NOSTRIN: variants seen among roughly 807,000 people sequenced by gnomAD.
The protein encoded by NOSTRIN is nitric oxide synthase trafficking.
Under a neutral mutation model 59.0 loss-of-function variants are expected in NOSTRIN, and 63 were observed. The ratio of observed to expected loss-of-function variants is 1.07; its 90% CI spans 0.87 to 1.32. The LOEUF (loss-of-function observed/expected upper bound fraction) is 1.32. NOSTRIN is among the 40% of genes most tolerant of loss of function. NOSTRIN has a pLI of 0.00. For missense variants in NOSTRIN, 512 were observed against 473.1 expected, an observed-to-expected ratio of 1.08 and a Z score of -0.76; for synonymous variants, 200 against 165.4, an observed-to-expected ratio of 1.21 and a Z score of -1.61.
chr2:168,837,430 C>T (rs1420150828), intron 7 of NOSTRIN, among the ~76,000 whole-genome samples: 11 of 150,910 alleles, frequency 7.3e-5, no homozygotes, highest in Admixed American at 2.0e-4. Context: ...CTGCCTCAGC[C>T]TCCCGAGTAG....
At chr2:168,814,711 G>T (rs1490365597) in intron 2 of NOSTRIN, among the ~76,000 whole-genome samples, 1 of 152,198 alleles carries the variant, frequency 6.6e-6, no homozygotes, top group Non-Finnish European at 1.5e-5. Context: ...AGGACATGGG[G>T]TTTTGAATGA....
At position 168,828,167 on chromosome 2, in the gene NOSTRIN, C is replaced by T; in HGVS notation, c.207C>T (p.Ser69=). 1.1e-6 allele frequency: 1 copy of T among 872,872 alleles called. No homozygotes were observed. The highest frequency in any genetic ancestry group is 1.7e-5 in the Admixed American group (1 of 59,186). 54.1% of individuals were successfully genotyped at this position (872,872 alleles called of 1,614,324 possible). A position where few individuals can be genotyped will look rare whatever the true frequency, so the allele number is the denominator to read the frequency against. Residue 69 remains serine, a synonymous_variant, in exon 4 of 16, where the codon AGC becomes AGT. Transcript: ENST00000317647. ...ALQNTRKSCV[S]SAWAWASEGM... The stretch of plus-strand genomic sequence containing the variant: ...TTTTTTTTGCCTTTAGTTGTGTTAG[C>T]AGTGCCTGGGCCTGGGCCTCAGAGG...
chr2:168,846,384 T>G (rs1688426164), intron 8 of NOSTRIN, among the ~76,000 whole-genome samples: 2 of 152,342 alleles, frequency 1.3e-5, no homozygotes, highest in South Asian at 4.1e-4. Context: ...CTACGAAGTG[T>G]TCTCTTATTC....
rs115927756 is a variant in NOSTRIN, at chr2:168,823,869, G to A, written c.114-765G>A. Among the ~76,000 whole-genome samples, 561 of 152,290 alleles carry A rather than the reference G, an allele frequency of 3.7e-3. 3 individuals are homozygous for A. The highest frequency in any genetic ancestry group is 0.013 in the African/African-American group (533 of 41,550). On this transcript the variant is annotated intron_variant, in intron 2 of 15. Transcript: ENST00000317647. ...AGACGGGTGGGTCACCTGAGGTCAG[G>A]CGTTTGAGACCAGCTGAACAGCATG... is the stretch of plus-strand genomic sequence containing the variant.
chr2:168,863,826 A>G (rs1199040068), intron 15 of NOSTRIN, among the ~76,000 whole-genome samples: 1 of 152,244 alleles, frequency 6.6e-6, no homozygotes, highest in Non-Finnish European at 1.5e-5. Flanking sequence ...ACGGACACCA[A>G]GAAAGAGTTT....
chr2:168,789,272 A>G (rs960767429), intron 2 of NOSTRIN, among the ~76,000 whole-genome samples: 7 of 152,238 alleles, frequency 4.6e-5, no homozygotes, highest in African/African-American at 1.4e-4. Context: ...TCACGCTGCT[A>G]ATGAAGACAT....
intron 12 of NOSTRIN, chr2:168,859,268 A>G (rs1689296756): frequency 2.5e-6 from 1 of 398,510 alleles, no homozygotes; most frequent in Admixed American, 4.3e-5. Context: ...ATATATTACC[A>G]AGGTTTCCTG....
At chr2:168,861,007 G>C (rs756051303) in intron 14 of NOSTRIN, 98 bp downstream of exon 14, 2 of 726,168 alleles carry the variant, frequency 2.8e-6, no homozygotes, top group African/African-American at 3.6e-5. Flanking sequence ...ACCTGTATCT[G>C]TTTAAGGAAA....
intron 2 of NOSTRIN, among the ~76,000 whole-genome samples, chr2:168,792,412 T>C (rs918037286): frequency 1.3e-5 from 2 of 152,090 alleles, no homozygotes; most frequent in African/African-American, 4.8e-5. Flanking sequence ...AATAGTTTTA[T>C]TTTTTAGTGT....
chr2:168,852,446 C>G (rs1422493692), intron 10 of NOSTRIN, among the ~76,000 whole-genome samples: 1 of 152,156 alleles, frequency 6.6e-6, no homozygotes, highest in Non-Finnish European at 1.5e-5. Flanking sequence ...GGCCTCTGCT[C>G]CCCTCTTGAT....
At position 168,845,790 on chromosome 2, in the gene NOSTRIN, C is replaced by CTTCTTTTTTTTTTTT. The variant is rs36186706; in HGVS notation, c.630+2675_630+2676insCTTTTTTTTTTTTTT. On this transcript the variant is annotated intron_variant, in intron 8 of 15. Transcript: ENST00000317647. ...AGACCTAGTTTTAGTTTTTTTCTTC[C>CTTCTTTTTTTTTTTT]TTTTTTTTTTTTTTTTTGTTAGAAT... Among the ~76,000 whole-genome samples, 3 of 140,630 alleles carry CTTCTTTTTTTTTTTT rather than the reference C, an allele frequency of 2.1e-5. 1 individual carries two copies. The highest frequency in any genetic ancestry group is 4.6e-5 in the Non-Finnish European group (3 of 65,404). 92.3% of individuals were successfully genotyped at this position (140,630 alleles called of 152,430 possible).
chr2:168,794,843 C>A (rs537362375), upstream of NOSTRIN, among the ~76,000 whole-genome samples: 1 of 152,314 alleles, frequency 6.6e-6, no homozygotes, highest in Non-Finnish European at 1.5e-5. Context: ...GATCCTCCTG[C>A]CTCAGCCTCC....
chr2:168,800,909 T>TA (rs1472847040), upstream of NOSTRIN, among the ~76,000 whole-genome samples: 130 of 59,498 alleles, frequency 2.2e-3, no homozygotes, highest in Middle Eastern at 0.01. Flanking sequence ...TAAATTTCTT[T>TA]TAAAAAAAAA....
chr2:168,861,034 G>T (rs1237824566), intron 14 of NOSTRIN, 125 bp downstream of exon 14: 2 of 618,292 alleles, frequency 3.2e-6, no homozygotes, highest in Non-Finnish European at 5.8e-6. Flanking sequence ...TTTCCATTGG[G>T]ACCGATTAAT....
chr2:168,810,590 T>G (rs138079462), intron 1 of NOSTRIN, among the ~76,000 whole-genome samples: 1 of 152,322 alleles, frequency 6.6e-6, no homozygotes, highest in East Asian at 1.9e-4. Context: ...GGTGCCCAAC[T>G]GAATGCTGGC....
chr2:168,818,198 G>C, intron 2 of NOSTRIN: 1 of 399,682 alleles, frequency 2.5e-6, no homozygotes, highest in South Asian at 1.9e-5. Flanking sequence ...CTGCTGCTCA[G>C]GCTGGAGTGC....
At chr2:168,790,372 C>T (rs1158111919) in intron 2 of NOSTRIN, among the ~76,000 whole-genome samples, 1 of 152,176 alleles carries the variant, frequency 6.6e-6, no homozygotes, top group East Asian at 1.9e-4. Context: ...TATTTACTAA[C>T]TTCAAAGGTT....
chr2:168,806,257 A>C (rs934237526), intron 1 of NOSTRIN, among the ~76,000 whole-genome samples: 1 of 152,112 alleles, frequency 6.6e-6, no homozygotes, highest in Non-Finnish European at 1.5e-5. Flanking sequence ...CACTGTGAGG[A>C]TCATCACTAA....
intron 2 of NOSTRIN, 33 bp downstream of exon 2, chr2:168,811,685 T>C: frequency 1.3e-6 from 1 of 798,786 alleles, no homozygotes; most frequent in Non-Finnish European, 2.2e-6. Flanking sequence ...AAATGGTTCT[T>C]CCTCTTTAGT....
Sources: allele counts gnomAD v4.1 joint callset (sites outside exome capture counted in the v4.1 genomes callset), GRCh38; gene constraint gnomAD v4.1.1; transcripts MANE v1.5; gene names NCBI Gene and HGNC (gene_info 2026-07-23, HGNC 2026-07-21).